The following TRPM3 variants were observed in gnomAD, a reference collection of about 807,000 sequenced individuals.
TRPM3 encodes long transient receptor potential channel 3.
A neutral mutation model predicts 181.2 loss-of-function variants in TRPM3; 77 were observed. The ratio of observed to expected loss-of-function variants is 0.42; its 90% CI spans 0.35 to 0.51. The LOEUF (loss-of-function observed/expected upper bound fraction) is 0.51. Among genes scored for constraint, TRPM3 ranks in the 20% least tolerant of loss-of-function variants. TRPM3 has a pLI of 0.01. For missense variants in TRPM3, 1,759 were observed against 2,196.7 expected, an observed-to-expected ratio of 0.80 and a Z score of 3.98; for synonymous variants, 745 against 796.4, an observed-to-expected ratio of 0.94 and a Z score of 1.09.
At chr9:71,359,197 T>C (rs1315541827) in intron 1 of TRPM3, among the ~76,000 whole-genome samples, 2 of 152,152 alleles carry the variant, frequency 1.3e-5, no homozygotes, top group East Asian at 3.8e-4. Context: ...GAATGTGAGG[T>C]AATGAATCTG....
At chr9:71,028,752 A>T (rs954038959) in intron 1 of TRPM3, among the ~76,000 whole-genome samples, 1 of 152,166 alleles carries the variant, frequency 6.6e-6, no homozygotes, top group African/African-American at 2.4e-5. Flanking sequence ...TTCAGCAAGA[A>T]CTAACTATTC....
chr9:70,887,976 T>C (rs755848630), intron 1 of TRPM3, among the ~76,000 whole-genome samples: 3 of 152,230 alleles, frequency 2.0e-5, no homozygotes, highest in Non-Finnish European at 4.4e-5. Flanking sequence ...TGATGAGTTG[T>C]TGTTTTTATT....
intron 1 of TRPM3, among the ~76,000 whole-genome samples, chr9:71,206,283 C>G (rs1445005733): frequency 6.6e-6 from 1 of 152,122 alleles, no homozygotes; most frequent in African/African-American, 2.4e-5. Flanking sequence ...TTAGAGATCG[C>G]CGTTCTAACT....
intron 6 of TRPM3, chr9:70,793,804 T>C: frequency 2.8e-6 from 1 of 353,906 alleles, no homozygotes; most frequent in Non-Finnish European, 5.8e-6. Flanking sequence ...GAAATCATAC[T>C]TCTAGTACTC....
At position 70,862,986 on chromosome 9, in the gene TRPM3, G is replaced by T. The variant is rs2095559017; in HGVS notation, c.384C>A (p.Ser128Arg). Reference protein sequence around the residue: ...NDIQSEKWSISKHTQLSPTDA... With the variant: ...NDIQSEKWSIRKHTQLSPTDA... ...CCGTAGGGCTGAGTTGAGTGTGTTT[G>T]CTGATGGACCACTTTTCAGACTGGA... Residue 128 changes from serine to arginine, a missense_variant, in exon 3 of 26, where the codon AGC (serine) becomes AGA (arginine). Coordinates refer to ENST00000677713, the MANE Select transcript of TRPM3 (RefSeq NM_001366145.2). 1 of 1,613,590 alleles carries T rather than the reference G, an allele frequency of 6.2e-7. No individual in the cohort carries two copies. Among genetic ancestry groups the T allele is most frequent in the African/African-American group, 1.3e-5 (1 of 74,864 alleles).
At chr9:71,102,657 A>G (rs1239541305) in intron 1 of TRPM3, among the ~76,000 whole-genome samples, 1 of 152,066 alleles carries the variant, frequency 6.6e-6, no homozygotes, top group African/African-American at 2.4e-5. Context: ...CCCAACTCAA[A>G]TACAATCCCT....
intron 1 of TRPM3, among the ~76,000 whole-genome samples, chr9:71,073,474 G>T (rs2063043736): frequency 6.6e-6 from 1 of 152,152 alleles, no homozygotes; most frequent in Non-Finnish European, 1.5e-5. Context: ...AGAAAGTGTA[G>T]AAGTCTCATC....
At chr9:70,943,347 A>G (rs2133584690) in intron 1 of TRPM3, among the ~76,000 whole-genome samples, 1 of 152,360 alleles carries the variant, frequency 6.6e-6, no homozygotes, top group East Asian at 1.9e-4. Flanking sequence ...GAATGTATGA[A>G]TGCCATTGCA....
intron 22 of TRPM3, among the ~76,000 whole-genome samples, chr9:70,584,901 G>A (rs1022495768): frequency 6.6e-6 from 1 of 152,136 alleles, no homozygotes; most frequent in Non-Finnish European, 1.5e-5. Flanking sequence ...TGTCTTTCCT[G>A]TACTATATCT....
chr9:70,981,989 A>G (rs970993125), intron 1 of TRPM3, among the ~76,000 whole-genome samples: 1 of 152,190 alleles, frequency 6.6e-6, no homozygotes, highest in African/African-American at 2.4e-5. Flanking sequence ...GGTGTAACTC[A>G]AGCAAACCTT....
chr9:71,397,819 C>T (rs1283424090), intron 1 of TRPM3, among the ~76,000 whole-genome samples: 1 of 152,062 alleles, frequency 6.6e-6, no homozygotes, highest in Non-Finnish European at 1.5e-5. Flanking sequence ...ATATTGGGTA[C>T]ATGCAAACCT....
intron 8 of TRPM3, among the ~76,000 whole-genome samples, chr9:70,737,961 T>A (rs1278028119): frequency 6.6e-6 from 1 of 152,072 alleles, no homozygotes; most frequent in Non-Finnish European, 1.5e-5. Context: ...ACCAGACAGG[T>A]CATCAAGACA....
At chr9:71,179,078 C>G (rs1425391535) in intron 1 of TRPM3, among the ~76,000 whole-genome samples, 1 of 152,000 alleles carries the variant, frequency 6.6e-6, no homozygotes, top group African/African-American at 2.4e-5. Context: ...GATATTGAAC[C>G]TTGATTTTCC....
intron 1 of TRPM3, among the ~76,000 whole-genome samples, chr9:71,309,086 G>C (rs1195501083): frequency 6.6e-6 from 1 of 152,152 alleles, no homozygotes; most frequent in East Asian, 1.9e-4. Flanking sequence ...CATAGTGGGA[G>C]ATACAAACAC....
intron 22 of TRPM3, among the ~76,000 whole-genome samples, chr9:70,574,913 A>G (rs1424821507): frequency 6.6e-6 from 1 of 150,826 alleles, no homozygotes; most frequent in East Asian, 1.9e-4. Context: ...TGTTTCAGTG[A>G]GCTTGTTTTT....
chr9:71,164,299 G>T (rs867506303), intron 1 of TRPM3, among the ~76,000 whole-genome samples: 16 of 152,180 alleles, frequency 1.1e-4, no homozygotes, highest in African/African-American at 3.9e-4. Context: ...GATGGACAAG[G>T]TTTAACAGCT....
At chr9:70,661,549 C>T (rs771551211) in intron 9 of TRPM3, among the ~76,000 whole-genome samples, 1 of 152,092 alleles carries the variant, frequency 6.6e-6, no homozygotes, top group East Asian at 1.9e-4. Flanking sequence ...CCTAAAGACT[C>T]ATCCAAAAAG....
chr9:70,777,462 T>G (rs1385849835), intron 7 of TRPM3, among the ~76,000 whole-genome samples: 1 of 152,070 alleles, frequency 6.6e-6, no homozygotes, highest in Non-Finnish European at 1.5e-5. Flanking sequence ...AGGGATAAAA[T>G]AGGGAACTCT....
At chr9:70,983,972 C>T (rs191354594) in intron 1 of TRPM3, among the ~76,000 whole-genome samples, 21 of 152,144 alleles carry the variant, frequency 1.4e-4, no homozygotes, top group Admixed American at 1.2e-3. Flanking sequence ...TCATTTTTAT[C>T]GATGGTCTGG....
Sources: allele counts gnomAD v4.1 joint callset (sites outside exome capture counted in the v4.1 genomes callset), GRCh38; gene constraint gnomAD v4.1.1; transcripts MANE v1.5; gene names NCBI Gene and HGNC (gene_info 2026-07-23, HGNC 2026-07-21).